MEF2B: variants seen among roughly 807,000 people sequenced by gnomAD.
MEF2B encodes myocyte enhancer factor 2B.
A neutral mutation model predicts 32.2 loss-of-function variants in MEF2B; 15 were observed. The observed-to-expected ratio is 0.47, with a 90% CI of 0.31 to 0.72. MEF2B has a LOEUF of 0.72. MEF2B is among the 30% of genes least tolerant of loss of function. The pLI, the probability that MEF2B is intolerant of heterozygous loss-of-function variation, is 0.05. For missense variants in MEF2B, 441 were observed against 511.5 expected (o/e 0.86, Z 1.33); for synonymous variants, 205 against 225.6 (o/e 0.91, Z 0.82).
Position 19,161,869 on chromosome 19 carries a change from G to T in MEF2B, c.-30+8336C>A, listed in dbSNP as rs189876596. Among the ~76,000 whole-genome samples, 887 of 151,154 alleles carry T rather than the reference G, an allele frequency of 5.9e-3. 11 individuals carry two copies. The highest frequency in any genetic ancestry group is 0.02 in the African/African-American group (839 of 41,116). ...GTCACCCAGGCTGGAGTGCAGTGGC[G>T]TGTTCTCTGCTCCCTGCAACCCCTG... On this transcript the variant is annotated intron_variant, in intron 1 of 8. Transcript: ENST00000424583.
intron 1 of MEF2B, among the ~76,000 whole-genome samples, chr19:19,162,853 T>C (rs1351008766): frequency 6.6e-6 from 1 of 152,210 alleles, no homozygotes; most frequent in Admixed American, 6.5e-5. Context: ...TGCGTGATAC[T>C]TTCTGAGCCT....
At chr19:19,159,967 CTTTTTTT>C (rs940709586) in intron 1 of MEF2B, among the ~76,000 whole-genome samples, 1 of 132,250 alleles carries the variant, frequency 7.6e-6, no homozygotes, top group Admixed American at 7.8e-5. Flanking sequence ...GTCTACTGAA[CTTTTTTT>C]TTTTTTTTTT....
Position 19,146,028 on chromosome 19 carries a change from G to A in MEF2B, c.882-6C>T. 1 of 1,425,352 alleles carries A rather than the reference G, an allele frequency of 7.0e-7. No individual in the cohort carries two copies. Among genetic ancestry groups the A allele is most frequent in the Non-Finnish European group, 9.2e-7 (1 of 1,089,850 alleles). The allele number at this position is 1,425,352 out of a possible 1,614,324, so 88.3% of individuals were successfully genotyped here. ...CGCCCAGGCTTCGGCCCCCACTGCAGGGGGAAAGAGAGAGGGAGGCCGTGA... is the reference window on the plus strand; with the variant it reads ...CGCCCAGGCTTCGGCCCCCACTGCAAGGGGAAAGAGAGAGGGAGGCCGTGA... On this transcript the variant is annotated splice_region_variant and splice_polypyrimidine_tract_variant and intron_variant, in intron 8 of 8. Transcript: ENST00000424583.
intron 1 of MEF2B, among the ~76,000 whole-genome samples, chr19:19,165,291 G>A (rs1004561195): frequency 1.8e-4 from 27 of 152,068 alleles, no homozygotes; most frequent in African/African-American, 6.3e-4. Context: ...AGCTGCTTTG[G>A]ACAGAGGATC....
At chr19:19,158,373 A>C (rs1297315032) in intron 1 of MEF2B, among the ~76,000 whole-genome samples, 2 of 282 alleles carry the variant, frequency 7.1e-3, no homozygotes, top group South Asian at 0.045. Flanking sequence ...AGGCGTGAGC[A>C]TGGGCGCCCC....
Position 19,145,946 on chromosome 19 carries a change from A to C in MEF2B, c.958T>G (p.Ser320Ala), listed in dbSNP as rs747063462. The change falls in exon 9 of 9, where the codon TCT becomes GCT. Residue 320 changes from serine to alanine, a missense_variant. Coordinates refer to ENST00000424583, the MANE Select transcript of MEF2B (RefSeq NM_001145785.2). The surrounding 1 kb of genome is among the most constrained non-coding windows in gnomAD (Gnocchi z 4.6). ...SPPTPPVSIK[S>A]ERLSPAPGGP... ...CCGGGGGCCGGAGAGAGGCGCTCAG[A>C]CTTGATGCTGACTGGGGGGGTCGGC... 12 of 1,443,880 alleles carry C rather than the reference A, an allele frequency of 8.3e-6. No individual in the cohort carries two copies. The highest frequency in any genetic ancestry group is 1.5e-5 in the African/African-American group (1 of 68,058). The allele number at this position is 1,443,880 out of a possible 1,614,324, so 89.4% of individuals were successfully genotyped here.
chr19:19,150,893 G>T, intron 1 of MEF2B, 129 bp from the exon 2 acceptor site: 2 of 1,190,606 alleles, frequency 1.7e-6, no homozygotes, highest in Non-Finnish European at 2.4e-6. Flanking sequence ...AATCAAGGCA[G>T]GCTGGGTCAC....
chr19:19,146,453 C>T (rs1483215519), intron 7 of MEF2B, 69 bp from the exon 8 acceptor site: 3 of 1,299,334 alleles, frequency 2.3e-6, no homozygotes, highest in African/African-American at 3.0e-5. Context: ...TAACCACCCC[C>T]AGTGACAGTT....
chr19:19,154,329 A>G (rs2060105825), intron 1 of MEF2B, among the ~76,000 whole-genome samples: 1 of 151,382 alleles, frequency 6.6e-6, no homozygotes, highest in African/African-American at 2.4e-5. Context: ...ATGCCCAGCT[A>G]ATTTTTGTAG....
intron 1 of MEF2B, among the ~76,000 whole-genome samples, chr19:19,168,112 C>G (rs867957514): frequency 2.1e-4 from 32 of 152,284 alleles, no homozygotes; most frequent in Middle Eastern, 6.8e-3. Context: ...ACTGGTTCTC[C>G]GAAGTCGAAA....
intron 1 of MEF2B, among the ~76,000 whole-genome samples, chr19:19,159,221 G>A (rs1173206838): frequency 4.2e-5 from 6 of 141,396 alleles, no homozygotes; most frequent in East Asian, 2.1e-4. Flanking sequence ...GATTACAGGC[G>A]TGAGCCACAG....
intron 1 of MEF2B, among the ~76,000 whole-genome samples, chr19:19,165,485 A>G (rs1294085876): frequency 6.6e-6 from 1 of 152,152 alleles, no homozygotes; most frequent in African/African-American, 2.4e-5. Context: ...ACACAATGGC[A>G]GGTGCAAAGG....
intron 1 of MEF2B, among the ~76,000 whole-genome samples, chr19:19,161,781 A>G (rs1237798537): frequency 1.4e-5 from 2 of 138,842 alleles, no homozygotes; most frequent in Admixed American, 1.5e-4. Context: ...CTGCAGTGAT[A>G]CCACCCACAC....
chr19:19,166,975 G>A (rs1430625919), intron 1 of MEF2B, among the ~76,000 whole-genome samples: 1 of 152,078 alleles, frequency 6.6e-6, no homozygotes, highest in Non-Finnish European at 1.5e-5. Context: ...ATGCCAAGGT[G>A]GGCTGAGTGC....
At position 19,147,713 on chromosome 19, in the gene MEF2B, G is replaced by A. The variant is rs1029501693; in HGVS notation, c.378C>T (p.Pro126=). 1.9e-6 allele frequency: 3 copies of A among 1,613,610 alleles called. No individual in the cohort carries two copies. In the African/African-American group the frequency reaches 4.0e-5, roughly 22 times the overall value. The change falls in exon 4 of 9, where the codon CCC becomes CCT. Residue 126 remains proline, a synonymous_variant. Coordinates refer to ENST00000424583, the MANE Select transcript of MEF2B (RefSeq NM_001145785.2). ...LAGEGGDPAL[P]RPRLYPAAPA... is the part of the protein sequence containing the mutation. ...AGTCACTTACATACAGCCGGGGTCG[G>A]GGCAAGGCCGGATCACCCCCTTCGC...
intron 1 of MEF2B, among the ~76,000 whole-genome samples, chr19:19,152,708 A>G (rs2060093128): frequency 6.6e-6 from 1 of 152,266 alleles, no homozygotes; most frequent in Non-Finnish European, 1.5e-5. Flanking sequence ...TCTCAAAAAC[A>G]GAAAGAAAGA....
At position 19,145,692 on chromosome 19, in the gene MEF2B, C is replaced by T. The variant is rs771883632; in HGVS notation, c.*105G>A. The T allele has an allele frequency of 9.0e-6, 14 of 1,551,220 alleles. No homozygotes were observed. Among genetic ancestry groups the T allele is most frequent in the Non-Finnish European group, 1.1e-5 (13 of 1,147,386 alleles). On this transcript the variant is annotated 3_prime_UTR_variant, in exon 9 of 9. Transcript: ENST00000424583. The surrounding 1 kb of genome is among the most constrained non-coding windows in gnomAD (Gnocchi z 4.6). ...TCCAAGCCCCCACCGCGGAGGGGGG[C>T]GTCACTGTTGGGTCTTCTCTGAAGA... is the stretch of plus-strand genomic sequence containing the variant.
At chr19:19,161,683 G>A (rs1016780554) in intron 1 of MEF2B, among the ~76,000 whole-genome samples, 1 of 121,852 alleles carries the variant, frequency 8.2e-6, no homozygotes, top group Non-Finnish European at 1.7e-5. Context: ...GGAGACCCCC[G>A]CCAGACGCAT....
chr19:19,166,522 G>C (rs533873299), intron 1 of MEF2B, among the ~76,000 whole-genome samples: 20 of 151,132 alleles, frequency 1.3e-4, no homozygotes, highest in Non-Finnish European at 1.2e-4. Flanking sequence ...TTGGGAGGCC[G>C]AGGCAGGAGG....
Sources: gnomAD v4.1 joint callset for allele counts (sites outside exome capture counted in the v4.1 genomes callset) on GRCh38, gnomAD v4.1.1 for gene constraint, Gnocchi (gnomAD v3.1) non-coding constraint, MANE v1.5 for transcripts, NCBI Gene and HGNC (gene_info 2026-07-23, HGNC 2026-07-21) for gene names.